The following AEN variants were observed in gnomAD, a reference collection of about 807,000 sequenced individuals.
AEN encodes the protein apoptosis enhancing nuclease.
Under a neutral mutation model 17.7 loss-of-function variants are expected in AEN, and 21 were observed. The observed-to-expected ratio is 1.19, with a 90% CI of 0.84 to 1.71. AEN has a LOEUF of 1.71. Among genes scored for constraint, AEN ranks in the 40% most tolerant of loss-of-function variants. The probability of loss-of-function intolerance (pLI) is 0.00; values close to 1 mark genes in which losing one functional copy is unlikely to be tolerated. For missense variants in AEN, 462 were observed against 435.9 expected, an observed-to-expected ratio of 1.06 and a Z score of -0.53; for synonymous variants, 190 against 173.0, an observed-to-expected ratio of 1.10 and a Z score of -0.77.
At chr15:88,616,719 A>G (rs1261173160), upstream of AEN, among the ~76,000 whole-genome samples, 1 of 152,248 alleles carries the variant, frequency 6.6e-6, no homozygotes, top group African/African-American at 2.4e-5. Context: ...CAAAAGCAAT[A>G]CACATTTAGT....
upstream of AEN, among the ~76,000 whole-genome samples, chr15:88,616,567 AG>A (rs1361310294): frequency 2.0e-5 from 3 of 152,254 alleles, no homozygotes; most frequent in African/African-American, 7.2e-5. Flanking sequence ...TCCACAGTCA[AG>A]ATGACAGTGT....
At chr15:88,611,706 T>G in the AEN span, 1 of 303,800 alleles carries the variant, frequency 3.3e-6, no homozygotes, top group South Asian at 2.6e-5. Flanking sequence ...TGAGGAGAGG[T>G]GTTCAAAGAT....
At chr15:88,607,703 C>T in the AEN span, among the ~76,000 whole-genome samples, 42 of 152,156 alleles carry the variant, frequency 2.8e-4, no homozygotes, top group African/African-American at 9.4e-4. Flanking sequence ...TTTCTTTTCT[C>T]CTCTTGTTCT....
the AEN span, chr15:88,612,053 A>C: frequency 2.7e-6 from 1 of 369,296 alleles, no homozygotes; most frequent in South Asian, 2.0e-5. Flanking sequence ...ACCCATCGGC[A>C]GACTCTTCCA....
chr15:88,621,430 G>A (rs1008307725), intron 1 of AEN, 48 bp downstream of exon 1: 1 of 152,566 alleles, frequency 6.6e-6, no homozygotes, highest in Non-Finnish European at 1.5e-5. Flanking sequence ...GGCGGGCTGA[G>A]GCCGCGTGTC....
rs73465626 is a variant in AEN, at chr15:88,631,309, C to T, written c.*1015C>T. 0.024 allele frequency: 8,620 copies of T among 353,258 alleles called. 191 individuals carry two copies. Among genetic ancestry groups the T allele is most frequent in the African/African-American group, 0.079 (3,778 of 47,964 alleles). 21.9% of individuals were successfully genotyped at this position (353,258 alleles called of 1,614,324 possible). On this transcript the variant is annotated 3_prime_UTR_variant, in exon 4 of 4. Transcript: ENST00000332810. The stretch of plus-strand genomic sequence containing the variant: ...GGCCCTGAACCTGGTCTGGTGCCCC[C>T]GAACCTGGTCTGATGCCCCCTCAGC...
the AEN span, among the ~76,000 whole-genome samples, chr15:88,614,054 C>A: frequency 6.6e-6 from 1 of 152,148 alleles, no homozygotes; most frequent in African/African-American, 2.4e-5. Context: ...CAGTATCTTG[C>A]CCATTTCAGG....
intron 2 of AEN, chr15:88,626,954 G>T: frequency 3.3e-6 from 2 of 604,368 alleles, no homozygotes; most frequent in Admixed American, 6.0e-5. Flanking sequence ...TTGCTGGCCT[G>T]TTGCACAGGA....
chr15:88,605,920 C>T, the AEN span, among the ~76,000 whole-genome samples: 2 of 152,256 alleles, frequency 1.3e-5, no homozygotes, highest in Admixed American at 6.5e-5. This position sits in a 1 kb window ranked among gnomAD's most constrained non-coding sequence, Gnocchi z 7.6. Context: ...CCCCTCAGAC[C>T]CCACGCGGAG....
chr15:88,607,037 G>C, the AEN span, among the ~76,000 whole-genome samples: 16 of 152,132 alleles, frequency 1.1e-4, no homozygotes, highest in African/African-American at 2.9e-4. Context: ...CTACTGTAGA[G>C]AGAAACTTTC....
At chr15:88,605,840 G>A in the AEN span, among the ~76,000 whole-genome samples, 2 of 152,226 alleles carry the variant, frequency 1.3e-5, no homozygotes, top group East Asian at 3.9e-4. The surrounding 1 kb of genome is among the most constrained non-coding windows in gnomAD (Gnocchi z 7.6). Context: ...CAGCGCCCCG[G>A]CCCTAGGGTG....
the AEN span, among the ~76,000 whole-genome samples, chr15:88,610,107 C>T: frequency 1.3e-5 from 2 of 152,154 alleles, no homozygotes; most frequent in Non-Finnish European, 2.9e-5. Flanking sequence ...TTGTCTATTA[C>T]TTCTCAAAGT....
chr15:88,624,883 C>CAAAAAAAAAAAA lies in AEN; in HGVS notation c.-64-1257_-64-1256insAAAAAAAAAAAA, dbSNP rs10701067. ...GGGTAACGAGAACGAAACTCCGCCT[C>CAAAAAAAAAAAA]AAAAAATGCCAAGTTAAACCCTGCT... On this transcript the variant is annotated intron_variant, in intron 1 of 3. Transcript: ENST00000332810. Among the ~76,000 whole-genome samples, 1,261 of 148,664 alleles carry CAAAAAAAAAAAA rather than the reference C, an allele frequency of 8.5e-3. 22 individuals are homozygous for CAAAAAAAAAAAA. Among genetic ancestry groups the CAAAAAAAAAAAA allele is most frequent in the African/African-American group, 0.028 (1,138 of 40,544 alleles).
chr15:88,610,742 G>C, the AEN span, among the ~76,000 whole-genome samples: 1 of 152,166 alleles, frequency 6.6e-6, no homozygotes, highest in African/African-American at 2.4e-5. Context: ...ATTAAAAAGA[G>C]AAAGAATTAA....
chr15:88,626,521 G>T lies in AEN; in HGVS notation c.312G>T (p.Gly104=). 1 of 1,614,168 alleles carries T rather than the reference G, an allele frequency of 6.2e-7. No individual in the cohort carries two copies. Among genetic ancestry groups the T allele is most frequent in the Non-Finnish European group, 8.5e-7 (1 of 1,180,044 alleles). Residue 104 remains glycine, a synonymous_variant, in exon 2 of 4, where the codon GGG becomes GGT. Coordinates refer to ENST00000332810, the MANE Select transcript of AEN (RefSeq NM_022767.4). The stretch of plus-strand genomic sequence containing the variant: ...GGCCTGCTCCCGGGAAAGCCTCAGG[G>T]CCCTTGCCCAGCAAGTGTGTGGCTA... ...SRRPAPGKAS[G]PLPSKCVAID... is the part of the protein sequence containing the mutation.
rs2141377973 is a variant in AEN at position 88,630,998 on chromosome 15, T to A, written c.*704T>A. Reference sequence around the variant, plus strand: ...GGGGAGTTGGCTCCTTAACATTTCTTGGCAACAGAAAGCCCCAGGCACAGC... The same window carrying A: ...GGGGAGTTGGCTCCTTAACATTTCTAGGCAACAGAAAGCCCCAGGCACAGC... On this transcript the variant is annotated 3_prime_UTR_variant, in exon 4 of 4. Transcript: ENST00000332810. This position sits in a 1 kb window ranked among gnomAD's most constrained non-coding sequence, Gnocchi z 5.1. 5.0e-6 allele frequency: 2 copies of A among 398,132 alleles called. No individual in the cohort carries two copies. Among genetic ancestry groups the A allele is most frequent in the Non-Finnish European group, 1.0e-5 (2 of 190,624 alleles). 24.7% of individuals were successfully genotyped at this position (398,132 alleles called of 1,614,324 possible).
chr15:88,626,828 C>A, intron 2 of AEN, 79 bp downstream of exon 2: 1 of 1,486,386 alleles, frequency 6.7e-7, no homozygotes, highest in Non-Finnish European at 9.1e-7. Context: ...CACCACTTTG[C>A]TTCACTGGGG....
chr15:88,608,023 GT>G, the AEN span: 10,730 of 469,848 alleles, frequency 0.023, 180 homozygotes, highest in Non-Finnish European at 0.033. Context: ...CAGTTGTGTG[GT>G]TTTTTTTAAT....
upstream of AEN, among the ~76,000 whole-genome samples, chr15:88,617,240 G>A (rs944470211): frequency 3.3e-5 from 5 of 152,042 alleles, no homozygotes; most frequent in African/African-American, 1.2e-4. Flanking sequence ...ACAGGCATGT[G>A]CCACCTTGCC....
Sources: allele counts gnomAD v4.1 joint callset (sites outside exome capture counted in the v4.1 genomes callset), GRCh38; gene constraint gnomAD v4.1.1; non-coding constraint Gnocchi (gnomAD v3.1); transcripts MANE v1.5; gene names NCBI Gene and HGNC (gene_info 2026-07-23, HGNC 2026-07-21).